Variants in RYR2 observed in about 807,000 individuals in gnomAD.
RYR2 encodes ryanodine receptor 2, also known as cardiac muscle ryanodine receptor-calcium release channel.
RYR2 carries 227 observed loss-of-function variants against 601.1 expected under a neutral mutation model. That is an observed-to-expected ratio of 0.38 (90% CI 0.34 to 0.42). RYR2 has a LOEUF of 0.42. RYR2 is among the 10% of genes least tolerant of loss of function. RYR2 has a pLI of 1.00. For synonymous variants in RYR2, 2,223 were observed against 2,175.1 expected (o/e 1.02, Z -0.61); for missense variants, 4,646 against 6,156.5 (o/e 0.75, Z 8.21).
At chr1:237,571,315 CT>C (rs71561888) in intron 29 of RYR2, among the ~76,000 whole-genome samples, 82,398 of 134,124 alleles carry the variant, frequency 0.61, 26,217 homozygotes, top group Non-Finnish European at 0.7. Flanking sequence ...CTTTTCTTTT[CT>C]TTTTTTTTTT....
chr1:237,493,041 G>A lies in RYR2; in HGVS notation c.1915G>A (p.Gly639Arg). 1 of 1,613,300 alleles carries A rather than the reference G, an allele frequency of 6.2e-7. No homozygotes were observed. The highest frequency in any genetic ancestry group is 8.5e-7 in the Non-Finnish European group (1 of 1,179,660). ...QHLICDNLLP[G>R]RDLLLQTRLV... is the part of the protein sequence containing the mutation. ...TCTCATCTGTGACAATCTCCTACCA[G>A]GAAGAGACTTGTTATTGCAGACACG... is the stretch of plus-strand genomic sequence containing the variant. The change falls in exon 19 of 105, where the codon GGA (glycine) becomes AGA (arginine). Residue 639 changes from glycine (G) to arginine (R), a missense_variant. Around this residue, in one of 17 missense-constraint regions of RYR2, gnomAD observed 1,807 missense variants for 2,088.1 expected, o/e 0.87. Coordinates refer to ENST00000366574, the MANE Select transcript of RYR2 (RefSeq NM_001035.3).
intron 24 of RYR2, among the ~76,000 whole-genome samples, chr1:237,527,012 C>G (rs191642080): frequency 5.7e-4 from 87 of 152,258 alleles, no homozygotes; most frequent in African/African-American, 1.9e-3. Flanking sequence ...TTTCATTCTT[C>G]CGCATATGGC....
At chr1:237,333,981 A>G (rs1183669325) in intron 3 of RYR2, among the ~76,000 whole-genome samples, 1 of 152,150 alleles carries the variant, frequency 6.6e-6, no homozygotes, top group Non-Finnish European at 1.5e-5. Flanking sequence ...GTTCTTTTTT[A>G]TTTAATAATT....
At chr1:237,701,085 G>A (rs78352952) in intron 65 of RYR2, among the ~76,000 whole-genome samples, 2,673 of 152,334 alleles carry the variant, frequency 0.018, 71 homozygotes, top group African/African-American at 0.06. Flanking sequence ...CCCTGCTCAG[G>A]ACATGAGCCT....
rs537449139 is a variant in RYR2, at chr1:237,223,241, G to A, written c.49-47256G>A. 4.9e-4 allele frequency among the ~76,000 whole-genome samples: 74 copies of A among 152,314 alleles called. No individual in the cohort carries two copies. In the South Asian group the frequency reaches 0.015, roughly 31 times the overall value. On this transcript the variant is annotated intron_variant, in intron 1 of 104. Transcript: ENST00000366574. ...ATAGTTCTCAAGGCTGAGATGTCCA[G>A]GATCAAGGTACTGGCATCTGGTTAG...
At chr1:237,042,702 GA>G in intron 1 of RYR2, 133 bp downstream of exon 1, 1 of 875,696 alleles carries the variant, frequency 1.1e-6, no homozygotes, top group Non-Finnish European at 1.5e-6. Flanking sequence ...GAGGATGCGG[GA>G]GGAGCGGGCA....
At chr1:237,514,758 C>T (rs1288459430) in intron 24 of RYR2, among the ~76,000 whole-genome samples, 1 of 152,070 alleles carries the variant, frequency 6.6e-6, no homozygotes, top group Non-Finnish European at 1.5e-5. Context: ...CTCCTCTGAA[C>T]CCTAGGTTTT....
At chr1:237,420,455 T>G (rs1705442946) in intron 11 of RYR2, among the ~76,000 whole-genome samples, 1 of 152,140 alleles carries the variant, frequency 6.6e-6, no homozygotes, top group South Asian at 2.1e-4. Flanking sequence ...CCATAGGAAA[T>G]TGCTTTATAA....
chr1:237,171,787 A>G (rs1041736686), intron 1 of RYR2, among the ~76,000 whole-genome samples: 1 of 152,132 alleles, frequency 6.6e-6, no homozygotes, highest in Non-Finnish European at 1.5e-5. Flanking sequence ...TTTGCCACAC[A>G]CCCAGTGAGT....
chr1:237,666,761 A>G (rs1373387799), intron 57 of RYR2, among the ~76,000 whole-genome samples, 172 bp downstream of exon 57: 3 of 152,070 alleles, frequency 2.0e-5, no homozygotes, highest in Non-Finnish European at 4.4e-5. Context: ...ATCAAAATTG[A>G]TAGCTGGGTG....
rs552007391 is a variant in RYR2, at chr1:237,772,372, T to G, written c.11646+272T>G. Among the ~76,000 whole-genome samples the G allele has an allele frequency of 2.0e-5, 3 of 152,296 alleles. No individual in the cohort carries two copies. In the East Asian group the frequency reaches 5.8e-4, roughly 29 times the overall value. On this transcript the variant is annotated intron_variant, in intron 86 of 104. Coordinates refer to ENST00000366574, the MANE Select transcript of RYR2 (RefSeq NM_001035.3). ...GATGGTATTTTAAAGTCATTTTCAT[T>G]TTGTAAAGCACTTTTATACTCTGCT...
At chr1:237,760,306 T>G (rs1693314547) in intron 83 of RYR2, among the ~76,000 whole-genome samples, 1 of 145,014 alleles carries the variant, frequency 6.9e-6, no homozygotes, top group Non-Finnish European at 1.5e-5. Flanking sequence ...TGTAGTGAGC[T>G]ATGATAGTGC....
At chr1:237,526,438 C>T (rs369119342) in intron 24 of RYR2, among the ~76,000 whole-genome samples, 1 of 151,826 alleles carries the variant, frequency 6.6e-6, no homozygotes, top group East Asian at 1.9e-4. Flanking sequence ...CCTTGATTTC[C>T]GAGACTCAGG....
At chr1:237,273,942 TTTATA>T (rs200582471) in intron 2 of RYR2, among the ~76,000 whole-genome samples, 5,073 of 146,600 alleles carry the variant, frequency 0.035, 275 homozygotes, top group African/African-American at 0.12. Flanking sequence ...ATATTATATA[TTTATA>T]TTATATAACG....
At chr1:237,599,813 A>C (rs1193831127) in intron 34 of RYR2, among the ~76,000 whole-genome samples, 1 of 58,760 alleles carries the variant, frequency 1.7e-5, no homozygotes, top group Admixed American at 2.6e-4. Context: ...CATCTCAAAA[A>C]AAAAAAAAAA....
intron 3 of RYR2, among the ~76,000 whole-genome samples, chr1:237,351,849 C>A (rs1698868506): frequency 1.1e-5 from 1 of 92,538 alleles, no homozygotes; most frequent in Non-Finnish European, 2.1e-5. Flanking sequence ...ATGACAAAGA[C>A]CATGCAAAAA....
intron 1 of RYR2, among the ~76,000 whole-genome samples, chr1:237,215,189 A>C (rs1683026108): frequency 6.6e-6 from 1 of 152,238 alleles, no homozygotes; most frequent in African/African-American, 2.4e-5. Flanking sequence ...AATCATTTGA[A>C]AAACATTCCA....
At chr1:237,104,182 T>A (rs1171563712) in intron 1 of RYR2, among the ~76,000 whole-genome samples, 1 of 152,130 alleles carries the variant, frequency 6.6e-6, no homozygotes, top group Non-Finnish European at 1.5e-5. Flanking sequence ...TAATTCATCA[T>A]CCATGGAACG....
chr1:237,169,074 A>G (rs1456522444), intron 1 of RYR2, among the ~76,000 whole-genome samples: 2 of 152,150 alleles, frequency 1.3e-5, no homozygotes, highest in Non-Finnish European at 1.5e-5. Flanking sequence ...TGGGTATGTC[A>G]TGGTTATTTC....
Sources: gnomAD v4.1 joint callset for allele counts (sites outside exome capture counted in the v4.1 genomes callset) on GRCh38, gnomAD v4.1.1 for gene constraint, gnomAD v4.1.1 regional missense constraint, MANE v1.5 for transcripts, NCBI Gene and HGNC (gene_info 2026-07-23, HGNC 2026-07-21) for gene names.